CGNL1: variants seen among roughly 807,000 people sequenced by gnomAD.
CGNL1 encodes the protein cingulin like 1.
Under a neutral mutation model 141.2 loss-of-function variants are expected in CGNL1, and 132 were observed. The observed-to-expected ratio is 0.93, with a 90% CI of 0.81 to 1.08. The LOEUF (loss-of-function observed/expected upper bound fraction) is 1.08. Among genes scored for constraint, CGNL1 ranks in the 50% least tolerant of loss-of-function variants. The pLI is 0.00. For synonymous variants in CGNL1, 690 were observed against 622.1 expected, an observed-to-expected ratio of 1.11 and a Z score of -1.63; for missense variants, 1,870 against 1,588.6, an observed-to-expected ratio of 1.18 and a Z score of -3.01.
intron 1 of CGNL1, among the ~76,000 whole-genome samples, chr15:57,409,882 G>C (rs540249289): frequency 6.6e-6 from 1 of 152,194 alleles, no homozygotes; most frequent in African/African-American, 2.4e-5. Context: ...AAATCAAGTG[G>C]GAAGGGAATG....
chr15:57,496,608 C>T (rs1293880978), intron 8 of CGNL1, among the ~76,000 whole-genome samples: 11 of 152,166 alleles, frequency 7.2e-5, no homozygotes, highest in Admixed American at 7.2e-4. Flanking sequence ...CATTCCAAGT[C>T]TGTCTTGTAA....
chr15:57,471,421 G>A (rs1284832042), intron 8 of CGNL1, among the ~76,000 whole-genome samples: 1 of 152,250 alleles, frequency 6.6e-6, no homozygotes, highest in Admixed American at 6.5e-5. Flanking sequence ...TCATGAACAT[G>A]TTTAAGCAGG....
intron 8 of CGNL1, among the ~76,000 whole-genome samples, chr15:57,515,349 A>C (rs1422323387): frequency 1.3e-5 from 2 of 152,324 alleles, no homozygotes; most frequent in East Asian, 3.9e-4. Context: ...GAAATTCTCT[A>C]ACTGGTTAGG....
chr15:57,391,095 A>G lies in CGNL1; in HGVS notation c.-16+14528A>G, dbSNP rs115782934. Among the ~76,000 whole-genome samples, 801 of 152,266 alleles carry G rather than the reference A, an allele frequency of 5.3e-3. 7 individuals are homozygous for G. The highest frequency in any genetic ancestry group is 0.018 in the African/African-American group (758 of 41,534). ...GAAACAGGCTTCAGGAGGTGAGGTG[A>G]CTTGTCTTCAGCCAACCAGCTCAAA... On this transcript the variant is annotated intron_variant, in intron 1 of 18. Coordinates refer to ENST00000281282, the MANE Select transcript of CGNL1 (RefSeq NM_032866.5).
chr15:57,429,096 C>G (rs2063014052), intron 1 of CGNL1, among the ~76,000 whole-genome samples: 1 of 151,850 alleles, frequency 6.6e-6, no homozygotes, highest in Non-Finnish European at 1.5e-5. Flanking sequence ...TTGTTGGGTA[C>G]TTGCAAAAAT....
chr15:57,477,259 G>A (rs1298649075), intron 8 of CGNL1, among the ~76,000 whole-genome samples: 5 of 152,304 alleles, frequency 3.3e-5, no homozygotes, highest in African/African-American at 7.2e-5. Context: ...TCAGGGAGAC[G>A]TGGTGCAGGA....
intron 14 of CGNL1, among the ~76,000 whole-genome samples, chr15:57,541,173 G>C (rs1244163003): frequency 2.0e-5 from 3 of 152,248 alleles, no homozygotes; most frequent in Admixed American, 1.3e-4. Context: ...AAGGTCACAG[G>C]TGAGGGACAG....
At position 57,378,792 on chromosome 15, in the gene CGNL1, T is replaced by C. The variant is rs114511013; in HGVS notation, c.-16+2225T>C. ...AATGTAAGTCCAAAGAACATTCATT[T>C]TGAAAAATACAAAAATGACATAATT... On this transcript the variant is annotated intron_variant, in intron 1 of 18. Coordinates refer to ENST00000281282, the MANE Select transcript of CGNL1 (RefSeq NM_032866.5). Among the ~76,000 whole-genome samples, 1,501 of 152,326 alleles carry C rather than the reference T, an allele frequency of 9.9e-3. 26 individuals carry two copies. Among genetic ancestry groups the C allele is most frequent in the African/African-American group, 0.035 (1,436 of 41,570 alleles).
chr15:57,546,381 G>A, intron 18 of CGNL1, 142 bp downstream of exon 18: 1 of 1,039,040 alleles, frequency 9.6e-7, no homozygotes, highest in Non-Finnish European at 1.4e-6. Flanking sequence ...TAGAGATGAA[G>A]GTGGCTGTGT....
chr15:57,494,815 A>G (rs2063914267), intron 8 of CGNL1, among the ~76,000 whole-genome samples: 1 of 152,196 alleles, frequency 6.6e-6, no homozygotes, highest in African/African-American at 2.4e-5. Context: ...TGGAAACTCG[A>G]GTGTCTAGGC....
intron 8 of CGNL1, among the ~76,000 whole-genome samples, chr15:57,513,907 G>A (rs2030552989): frequency 6.6e-6 from 1 of 152,102 alleles, no homozygotes; most frequent in African/African-American, 2.4e-5. Context: ...TGAGGAACTG[G>A]CAAACTGTTT....
intron 1 of CGNL1, among the ~76,000 whole-genome samples, chr15:57,410,382 T>TA (rs2062772959): frequency 6.6e-6 from 1 of 152,346 alleles, no homozygotes; most frequent in South Asian, 2.1e-4. Context: ...GAGGATGGTT[T>TA]ATACCACCAT....
In CGNL1 at chr15:57,390,995, G is replaced by A. The variant is rs79243025; in HGVS notation, c.-16+14428G>A. On this transcript the variant is annotated intron_variant, in intron 1 of 18. Coordinates refer to ENST00000281282, the MANE Select transcript of CGNL1 (RefSeq NM_032866.5). ...TAGTCAGTGACAGGTTAGCATCAGT[G>A]CCTGTGTGTACCATGTCCCAATCTT... 1.8e-3 allele frequency among the ~76,000 whole-genome samples: 276 copies of A among 152,294 alleles called. 1 individual carries two copies. Among genetic ancestry groups the A allele is most frequent in the African/African-American group, 5.7e-3 (236 of 41,566 alleles).
chr15:57,395,489 C>T (rs1423940781), intron 1 of CGNL1, among the ~76,000 whole-genome samples: 1 of 152,214 alleles, frequency 6.6e-6, no homozygotes, highest in Non-Finnish European at 1.5e-5. Flanking sequence ...GCACAGATGG[C>T]TACTGAATGC....
chr15:57,380,766 T>TG (rs1453939504), intron 1 of CGNL1, among the ~76,000 whole-genome samples: 1 of 152,140 alleles, frequency 6.6e-6, no homozygotes, highest in Non-Finnish European at 1.5e-5. Flanking sequence ...GGGTACTTCC[T>TG]GGGAGTGGGA....
chr15:57,524,581 A>T lies in CGNL1; in HGVS notation c.2869A>T (p.Met957Leu), dbSNP rs200666497. The change falls in exon 12 of 19, where the codon ATG becomes TTG. Residue 957 changes from methionine to leucine, a missense_variant and splice_region_variant. Coordinates refer to ENST00000281282, the MANE Select transcript of CGNL1 (RefSeq NM_032866.5). ...CTCACACCCGTGTCACTTCTTCTAG[A>T]TGGCAGACATTGTTGAGGCCTCCCG... ...GKTIEKLQKEMADIVEASRTS... is the reference protein window; with the variant it reads ...GKTIEKLQKELADIVEASRTS... 2.5e-6 allele frequency: 4 copies of T among 1,611,634 alleles called. No individual in the cohort carries two copies. Among genetic ancestry groups the T allele is most frequent in the Non-Finnish European group, 3.4e-6 (4 of 1,179,204 alleles).
chr15:57,474,688 TA>T (rs1164577246), intron 8 of CGNL1, among the ~76,000 whole-genome samples: 1 of 152,222 alleles, frequency 6.6e-6, no homozygotes, highest in Non-Finnish European at 1.5e-5. Context: ...ATTTGTGTTA[TA>T]AAAAACATAC....
chr15:57,460,772 G>T (rs28509211), intron 7 of CGNL1, among the ~76,000 whole-genome samples: 2,692 of 152,254 alleles, frequency 0.018, 77 homozygotes, highest in East Asian at 0.087. Context: ...GGGAATTATG[G>T]GAATTATAAC....
chr15:57,543,498 C>T (rs2032678225), intron 14 of CGNL1, among the ~76,000 whole-genome samples, 198 bp from the exon 15 acceptor site: 1 of 152,126 alleles, frequency 6.6e-6, no homozygotes, highest in Admixed American at 6.5e-5. Flanking sequence ...ATTTGTATTA[C>T]CAGTATTGCA....
Sources: gnomAD v4.1 joint callset for allele counts (sites outside exome capture counted in the v4.1 genomes callset) on GRCh38, gnomAD v4.1.1 for gene constraint, MANE v1.5 for transcripts, NCBI Gene and HGNC (gene_info 2026-07-23, HGNC 2026-07-21) for gene names.